MEI1: variants seen among roughly 807,000 people sequenced by gnomAD.
The protein encoded by MEI1 is meiosis inhibitor protein 1.
In MEI1, 103 loss-of-function variants were observed where a neutral mutation model predicts 146.2. That is an observed-to-expected ratio of 0.70 (90% CI 0.60 to 0.83). The LOEUF is 0.83. Among genes scored for constraint, MEI1 ranks in the 40% least tolerant of loss-of-function variants. The probability of loss-of-function intolerance (pLI) is 0.00; values close to 1 mark genes in which losing one functional copy is unlikely to be tolerated. For synonymous variants in MEI1, 652 were observed against 628.2 expected, an observed-to-expected ratio of 1.04 and a Z score of -0.57; for missense variants, 1,529 against 1,533.0, an observed-to-expected ratio of 1.00 and a Z score of 0.04.
intron 9 of MEI1, among the ~76,000 whole-genome samples, chr22:41,731,051 C>CTTTT (rs71651970): frequency 6.8e-5 from 8 of 117,118 alleles, no homozygotes; most frequent in East Asian, 2.3e-4. Context: ...TTGTCTGGGA[C>CTTTT]TTTTTTTTTT....
chr22:41,799,355 G>C lies in MEI1; in HGVS notation c.*56G>C. 1 of 1,552,060 alleles carries C rather than the reference G, an allele frequency of 6.4e-7. No homozygotes were observed. The highest frequency in any genetic ancestry group is 8.9e-7 in the Non-Finnish European group (1 of 1,127,362). ...AGAGAATGAGACCTGGAGACAAAGG[G>C]CATAATTGTTGGGGAAATGGATGAC... is the stretch of plus-strand genomic sequence containing the variant. On this transcript the variant is annotated 3_prime_UTR_variant, in exon 31 of 31. Coordinates refer to ENST00000401548, the MANE Select transcript of MEI1 (RefSeq NM_152513.4).
At chr22:41,719,936 G>C (rs985397591) in intron 6 of MEI1, among the ~76,000 whole-genome samples, 1 of 152,096 alleles carries the variant, frequency 6.6e-6, no homozygotes, top group African/African-American at 2.4e-5. Context: ...TCAAAATTTG[G>C]ATCAGGAGCT....
rs1357614998 is a variant in MEI1, at chr22:41,778,709, C to T, written c.2712C>T (p.Ala904=). 1 of 1,598,684 alleles carries T rather than the reference C, an allele frequency of 6.3e-7. No homozygotes were observed. Among genetic ancestry groups the T allele is most frequent in the African/African-American group, 1.3e-5 (1 of 74,546 alleles). ...CCCAGTCCTCCTTGTTCTTCACAGC[C>T]TCGGGGAACCTACCATTGCTGCTGA... ...LVEHGASPSG[A]SGNLPLLLSL... is the part of the protein sequence containing the mutation. The change falls in exon 22 of 31, where the codon GCC becomes GCT. Residue 904 remains alanine (A), a splice_region_variant and synonymous_variant. Coordinates refer to ENST00000401548, the MANE Select transcript of MEI1 (RefSeq NM_152513.4).
intron 7 of MEI1, among the ~76,000 whole-genome samples, chr22:41,727,061 A>G (rs2071419886): frequency 6.6e-6 from 1 of 152,118 alleles, no homozygotes; most frequent in African/African-American, 2.4e-5. Context: ...ATATACTATC[A>G]GAAAATCTGG....
In MEI1 at chr22:41,703,346, C is replaced by A; in HGVS notation, c.190C>A (p.His64Asn). Residue 64 changes from histidine to asparagine, a missense_variant, in exon 2 of 31, where the codon CAC becomes AAC. Physicochemically the swap from His to Asn is moderately conservative, Grantham distance 68 (BLOSUM62 1). Coordinates refer to ENST00000401548, the MANE Select transcript of MEI1 (RefSeq NM_152513.4). ...TTGCTTCAAGTTAGTGCGCAAGAAG[C>A]ACATGTTGTCCTGCTTCCAAGATGC... ...DPGVSLVRKK[H>N]MLSCFQDALV... 6.2e-7 allele frequency: 1 copy of A among 1,612,576 alleles called. No homozygotes were observed. Among genetic ancestry groups the A allele is most frequent in the Non-Finnish European group, 8.5e-7 (1 of 1,179,284 alleles).
intron 13 of MEI1, 21 bp downstream of exon 13, chr22:41,745,085 T>C: frequency 1.3e-6 from 2 of 1,485,460 alleles, no homozygotes; most frequent in Non-Finnish European, 1.8e-6. Context: ...CTCTGAGGTA[T>C]GAAGTAATAG....
At chr22:41,734,852 G>A (rs946167839) in intron 11 of MEI1, among the ~76,000 whole-genome samples, 1 of 151,936 alleles carries the variant, frequency 6.6e-6, no homozygotes, top group Non-Finnish European at 1.5e-5. Context: ...GGCCAGGGTG[G>A]TCTCGAACTC....
chr22:41,705,021 A>G (rs2068981361), intron 2 of MEI1, among the ~76,000 whole-genome samples: 1 of 151,448 alleles, frequency 6.6e-6, no homozygotes. Context: ...GCCAATTGTT[A>G]TCTTTTTAAA....
At chr22:41,785,405 G>GGT (rs2075929047) in intron 26 of MEI1, among the ~76,000 whole-genome samples, 2 of 151,158 alleles carry the variant, frequency 1.3e-5, no homozygotes, top group African/African-American at 4.9e-5. Context: ...TGGGACTACA[G>GGT]GCAGCCACCA....
At position 41,795,824 on chromosome 22, in the gene MEI1, C is replaced by T. The variant is rs201467990; in HGVS notation, c.3756C>T (p.Gly1252=). Residue 1252 remains glycine, a synonymous_variant, in exon 30 of 31, where the codon GGC becomes GGT. Transcript: ENST00000401548. This position sits in a 1 kb window ranked among gnomAD's most constrained non-coding sequence, Gnocchi z 4.2. ...GCCTTCCCCCTAGCACCTCCTCAGGCCAGCCACCCCTGCAGGACATGCTGT... is the reference window on the plus strand; with the variant it reads ...GCCTTCCCCCTAGCACCTCCTCAGGTCAGCCACCCCTGCAGGACATGCTGT... ...LEGLPPSTSS[G]QPPLQDMLCL... 857 of 1,613,634 alleles carry T rather than the reference C, an allele frequency of 5.3e-4. 1 individual carries two copies. The highest frequency in any genetic ancestry group is 6.3e-4 in the Non-Finnish European group (739 of 1,179,738).
intron 20 of MEI1, among the ~76,000 whole-genome samples, chr22:41,771,249 CCT>C (rs1353774059): frequency 6.6e-6 from 1 of 152,148 alleles, no homozygotes; most frequent in African/African-American, 2.4e-5. Flanking sequence ...GTCACCATCC[CCT>C]CTCACCTCCC....
intron 11 of MEI1, among the ~76,000 whole-genome samples, chr22:41,738,108 C>A (rs192585362): frequency 5.4e-4 from 81 of 151,094 alleles, no homozygotes; most frequent in African/African-American, 1.8e-3. Context: ...TGAGGCTAAG[C>A]GTTTGAGACT....
chr22:41,753,484 A>C (rs1428437229), intron 16 of MEI1: 1 of 157,632 alleles, frequency 6.3e-6, no homozygotes, highest in Non-Finnish European at 1.4e-5. Flanking sequence ...TTCTAAAAAA[A>C]CACAAAAAGC....
At chr22:41,774,006 C>T (rs2075319045) in intron 20 of MEI1, among the ~76,000 whole-genome samples, 1 of 152,124 alleles carries the variant, frequency 6.6e-6, no homozygotes, top group Non-Finnish European at 1.5e-5. Flanking sequence ...GTGTTGATAC[C>T]AATTTCTGTT....
chr22:41,798,200 C>T (rs1207387131), intron 30 of MEI1, among the ~76,000 whole-genome samples: 2 of 148,730 alleles, frequency 1.3e-5, no homozygotes, highest in Non-Finnish European at 3.0e-5. Context: ...CTGCCATGTT[C>T]TTAAGAAAGC....
At chr22:41,757,710 A>G (rs2074188718) in intron 17 of MEI1, among the ~76,000 whole-genome samples, 1 of 151,998 alleles carries the variant, frequency 6.6e-6, no homozygotes, top group South Asian at 2.1e-4. Flanking sequence ...TCCTCAATAT[A>G]GCGCTGATCA....
intron 17 of MEI1, among the ~76,000 whole-genome samples, chr22:41,757,434 T>C (rs1359082108): frequency 6.6e-6 from 1 of 152,060 alleles, no homozygotes; most frequent in Non-Finnish European, 1.5e-5. Flanking sequence ...CTCAGCTCAC[T>C]GCAACCTCTG....
intron 7 of MEI1, among the ~76,000 whole-genome samples, chr22:41,724,789 T>G (rs1378666979): frequency 6.6e-6 from 1 of 151,674 alleles, no homozygotes; most frequent in East Asian, 1.9e-4. Flanking sequence ...TAGATTTCCT[T>G]TCATTTGTAA....
intron 15 of MEI1, 139 bp from the exon 16 acceptor site, chr22:41,752,452 A>G (rs2073822050): frequency 2.7e-6 from 2 of 750,430 alleles, no homozygotes; most frequent in African/African-American, 1.7e-5. Context: ...GAGTGAAACT[A>G]CTAGACAGTG....
Sources: allele counts gnomAD v4.1 joint callset (sites outside exome capture counted in the v4.1 genomes callset), GRCh38; gene constraint gnomAD v4.1.1; non-coding constraint Gnocchi (gnomAD v3.1); transcripts MANE v1.5; gene names NCBI Gene and HGNC (gene_info 2026-07-23, HGNC 2026-07-21).